LSAMP: variants seen among roughly 807,000 people sequenced by gnomAD.
LSAMP encodes the protein limbic system-associated membrane protein.
LSAMP carries 7 observed loss-of-function variants against 38.6 expected under a neutral mutation model. The observed-to-expected ratio is 0.18, with a 90% CI of 0.10 to 0.34. LSAMP has a LOEUF of 0.34. Among genes scored for constraint, LSAMP ranks in the 10% least tolerant of loss-of-function variants. The pLI is 1.00. For missense variants in LSAMP, 313 were observed against 420.0 expected (o/e 0.75, Z 2.23); for synonymous variants, 154 against 166.8 (o/e 0.92, Z 0.59).
At chr3:116,378,988 A>AACACACACACACAC (rs3028640) in intron 1 of LSAMP, among the ~76,000 whole-genome samples, 5 of 137,042 alleles carry the variant, frequency 3.6e-5, no homozygotes, top group African/African-American at 8.2e-5. Flanking sequence ...AATTGCTCAG[A>AACACACACACACAC]ACACACACAC....
At chr3:115,869,267 GGGGAGAGAGA>G (rs1297065688) in intron 3 of LSAMP, among the ~76,000 whole-genome samples, 1 of 108,706 alleles carries the variant, frequency 9.2e-6, no homozygotes, top group Non-Finnish European at 1.9e-5. Context: ...TATCTTGGAG[GGGGAGAGAGA>G]GAGAGAGAGA....
intron 1 of LSAMP, among the ~76,000 whole-genome samples, chr3:116,397,044 A>G (rs777160481): frequency 2.0e-5 from 3 of 152,128 alleles, no homozygotes; most frequent in Non-Finnish European, 4.4e-5. Flanking sequence ...TTCTATTCTC[A>G]ACATAAGAGC....
intron 3 of LSAMP, among the ~76,000 whole-genome samples, chr3:115,892,388 T>C (rs1329238795): frequency 2.0e-5 from 3 of 151,992 alleles, no homozygotes; most frequent in African/African-American, 7.2e-5. Flanking sequence ...AACATTGTGG[T>C]ATATTCACAC....
chr3:115,922,887 C>T (rs1937415087), intron 3 of LSAMP, among the ~76,000 whole-genome samples: 1 of 152,082 alleles, frequency 6.6e-6, no homozygotes, highest in Non-Finnish European at 1.5e-5. Context: ...CTGCAAGTTC[C>T]CTGGTTTTAT....
chr3:116,444,225 T>G (rs1219863047), intron 1 of LSAMP, among the ~76,000 whole-genome samples: 1 of 152,120 alleles, frequency 6.6e-6, no homozygotes, highest in Non-Finnish European at 1.5e-5. Context: ...TTGATTTATA[T>G]CCACATTCCA....
chr3:116,430,627 T>A (rs1053166020), intron 1 of LSAMP, among the ~76,000 whole-genome samples: 3 of 152,096 alleles, frequency 2.0e-5, no homozygotes, highest in Admixed American at 2.0e-4. Context: ...AATATAATTA[T>A]AGATACTTCT....
At chr3:116,385,519 C>T (rs1229945828) in intron 1 of LSAMP, among the ~76,000 whole-genome samples, 2 of 152,152 alleles carry the variant, frequency 1.3e-5, no homozygotes, top group East Asian at 3.9e-4. Context: ...AAAGAGGCTG[C>T]TGTGTAGGGA....
At chr3:115,870,006 T>G (rs1437801253) in intron 3 of LSAMP, among the ~76,000 whole-genome samples, 2 of 152,034 alleles carry the variant, frequency 1.3e-5, no homozygotes, top group Non-Finnish European at 2.9e-5. Flanking sequence ...TAGCTAAGAG[T>G]GAATTTTGCA....
intron 1 of LSAMP, among the ~76,000 whole-genome samples, chr3:116,144,390 G>C (rs1709443835): frequency 6.6e-6 from 1 of 151,820 alleles, no homozygotes. Flanking sequence ...GGGCATGGTG[G>C]TGCATGCCAA....
Position 116,432,653 on chromosome 3 carries a change from C to T in LSAMP, c.155+12224G>A, listed in dbSNP as rs528401461. ...TTGTGAATGTAGCTATATTCAAAAA[C>T]GTAAAGCCACTTCACCAGACCAACA... On this transcript the variant is annotated intron_variant, in intron 1 of 6. Coordinates refer to ENST00000490035, the MANE Select transcript of LSAMP (RefSeq NM_002338.5). Among the ~76,000 whole-genome samples the T allele has an allele frequency of 1.6e-4, 25 of 152,070 alleles. No homozygotes were observed. In the Middle Eastern group the frequency reaches 0.02, roughly 124 times the overall value.
intron 1 of LSAMP, among the ~76,000 whole-genome samples, chr3:116,336,206 G>T (rs931931796): frequency 3.9e-5 from 6 of 151,932 alleles, no homozygotes; most frequent in African/African-American, 1.4e-4. Context: ...ATTTGGCAAT[G>T]ATATCTTGGC....
intron 3 of LSAMP, 77 bp from the exon 4 acceptor site, chr3:115,852,694 AG>A: frequency 7.5e-7 from 1 of 1,341,068 alleles, no homozygotes; most frequent in Non-Finnish European, 1.0e-6. Context: ...TCTTTTTAAA[AG>A]CCATAAATCC....
At chr3:115,911,191 A>C (rs369032280) in intron 3 of LSAMP, among the ~76,000 whole-genome samples, 1 of 152,216 alleles carries the variant, frequency 6.6e-6, no homozygotes, top group African/African-American at 2.4e-5. Context: ...TAAAAGCTCA[A>C]TAAATGACAG....
intron 1 of LSAMP, among the ~76,000 whole-genome samples, chr3:116,299,288 G>T (rs949090926): frequency 6.6e-6 from 1 of 152,218 alleles, no homozygotes; most frequent in Admixed American, 6.5e-5. Flanking sequence ...ATCTGAGACA[G>T]GTAGAGCCTA....
chr3:116,425,850 G>A lies in LSAMP; in HGVS notation c.155+19027C>T, dbSNP rs2049187755. ...GAGTAAAATTTAGGTAAATAGATGG[G>A]AAAAAAACCATACATCCTAAAGCAA... On this transcript the variant is annotated intron_variant, in intron 1 of 6. Coordinates refer to ENST00000490035, the MANE Select transcript of LSAMP (RefSeq NM_002338.5). Among the ~76,000 whole-genome samples the A allele has an allele frequency of 2.1e-5, 3 of 144,602 alleles. No individual in the cohort carries two copies. In the South Asian group the frequency reaches 7.0e-4, roughly 34 times the overall value. The allele number at this position is 144,602 out of a possible 152,430, so 94.9% of individuals were successfully genotyped here. A position where few individuals can be genotyped will look rare whatever the true frequency, so the allele number is the denominator to read the frequency against.
At chr3:116,169,622 C>A (rs1476688384) in intron 1 of LSAMP, among the ~76,000 whole-genome samples, 2 of 152,192 alleles carry the variant, frequency 1.3e-5, no homozygotes, top group African/African-American at 2.4e-5. Flanking sequence ...ACAGAGAAAG[C>A]CATCACTGTT....
At chr3:116,266,990 T>C (rs2046900725) in intron 1 of LSAMP, among the ~76,000 whole-genome samples, 1 of 152,162 alleles carries the variant, frequency 6.6e-6, no homozygotes, top group Non-Finnish European at 1.5e-5. Context: ...TGTCAACTCA[T>C]TGACTCTTTA....
At chr3:116,054,238 TCTC>T (rs1359793449) in intron 2 of LSAMP, among the ~76,000 whole-genome samples, 1 of 152,180 alleles carries the variant, frequency 6.6e-6, no homozygotes, top group Admixed American at 6.5e-5. Context: ...TGTCATCACT[TCTC>T]CTTCTCTGAT....
At chr3:116,084,549 T>C (rs1707946726) in intron 2 of LSAMP, among the ~76,000 whole-genome samples, 1 of 151,912 alleles carries the variant, frequency 6.6e-6, no homozygotes, top group African/African-American at 2.4e-5. Flanking sequence ...AACTATTCCC[T>C]GAACTGTCTT....
Sources: gnomAD v4.1 joint callset for allele counts (sites outside exome capture counted in the v4.1 genomes callset) on GRCh38, gnomAD v4.1.1 for gene constraint, MANE v1.5 for transcripts, NCBI Gene and HGNC (gene_info 2026-07-23, HGNC 2026-07-21) for gene names.